Variants in MED12L observed in about 807,000 individuals in gnomAD.
The protein encoded by MED12L is mediator complex subunit 12L.
A neutral mutation model predicts 281.3 loss-of-function variants in MED12L; 60 were observed. The observed-to-expected ratio is 0.21, with a 90% CI of 0.17 to 0.26. The LOEUF is 0.26. Among genes scored for constraint, MED12L ranks in the 10% least tolerant of loss-of-function variants. The pLI is 1.00. For missense variants in MED12L, 2,146 were observed against 2,680.9 expected, an observed-to-expected ratio of 0.80 and a Z score of 4.41; for synonymous variants, 974 against 987.2, an observed-to-expected ratio of 0.99 and a Z score of 0.25.
In MED12L at chr3:151,165,529, G is replaced by A. The variant is rs1720600910; in HGVS notation, c.1357+10G>A. The A allele has an allele frequency of 6.2e-7, 1 of 1,600,306 alleles. No homozygotes were observed. On this transcript the variant is annotated intron_variant, in intron 10 of 44. Transcript: ENST00000687756. ...CAAGAATCCACAGCAGGTACAGAATGCCACAGAGGAACGAGTGCTTTTGAA... is the reference window on the plus strand; with the variant it reads ...CAAGAATCCACAGCAGGTACAGAATACCACAGAGGAACGAGTGCTTTTGAA...
chr3:151,199,313 A>T, intron 16 of MED12L: 1 of 1,613,744 alleles, frequency 6.2e-7, no homozygotes, highest in Non-Finnish European at 8.5e-7. Flanking sequence ...TCCAACAAGG[A>T]AAACTAAATA....
At chr3:151,398,972 A>G (rs1715313163) in intron 39 of MED12L, among the ~76,000 whole-genome samples, 1 of 152,146 alleles carries the variant, frequency 6.6e-6, no homozygotes, top group Non-Finnish European at 1.5e-5. Context: ...TGCTGTACTC[A>G]CCTGTTTTCG....
At position 151,328,033 on chromosome 3, in the gene MED12L, T is replaced by C. The variant is rs762032175; in HGVS notation, c.2251-22026T>C. The C allele has an allele frequency of 1.9e-6, 3 of 1,595,088 alleles. No homozygotes were observed. In the South Asian group the frequency reaches 3.4e-5, roughly 18 times the overall value. On this transcript the variant is annotated intron_variant, in intron 16 of 44. Transcript: ENST00000687756. ...TGTCTGTCTGACTGCTATGATTTTC[T>C]TGGCTTGATGCTGTGGTCTTTCTCC...
intron 43 of MED12L, chr3:151,425,749 A>G (rs1718808383): frequency 2.2e-6 from 1 of 456,590 alleles, no homozygotes; most frequent in Non-Finnish European, 4.4e-6. Flanking sequence ...TCCTAGAGAG[A>G]GAAGCAATTA....
chr3:151,109,357 T>A (rs563063757), intron 2 of MED12L, among the ~76,000 whole-genome samples: 1 of 152,346 alleles, frequency 6.6e-6, no homozygotes, highest in African/African-American at 2.4e-5. Flanking sequence ...GGTCTGATTT[T>A]TGTTATCAGT....
In MED12L at chr3:151,386,301, C is replaced by G. The variant is rs547759570; in HGVS notation, c.5088+1110C>G. On this transcript the variant is annotated intron_variant, in intron 36 of 44. Coordinates refer to ENST00000687756, the MANE Select transcript of MED12L (RefSeq NM_001393769.1). ...CCATTTGGATGTGTGGTTTTTACAC[C>G]AAGGAAAAAGTTCTCATCTCAAGAC... Among the ~76,000 whole-genome samples, 7 of 152,194 alleles carry G rather than the reference C, an allele frequency of 4.6e-5. No homozygotes were observed. In the South Asian group the frequency reaches 1.5e-3, roughly 32 times the overall value.
chr3:151,286,876 T>A (rs922615039), intron 16 of MED12L, among the ~76,000 whole-genome samples: 1 of 152,222 alleles, frequency 6.6e-6, no homozygotes, highest in African/African-American at 2.4e-5. Flanking sequence ...AAGTGTATGA[T>A]TGATTGGCTT....
At chr3:151,192,830 T>A (rs2149105138) in intron 15 of MED12L, among the ~76,000 whole-genome samples, 176 bp downstream of exon 15, 2 of 152,324 alleles carry the variant, frequency 1.3e-5, no homozygotes, top group East Asian at 3.9e-4. Flanking sequence ...TCAGTTTTGG[T>A]TGCATGGCCT....
chr3:151,285,499 A>T (rs1017259939), intron 16 of MED12L, among the ~76,000 whole-genome samples: 5 of 151,924 alleles, frequency 3.3e-5, no homozygotes, highest in Non-Finnish European at 7.4e-5. Flanking sequence ...AAGAAAAAAA[A>T]AAAGAATAAT....
intron 9 of MED12L, among the ~76,000 whole-genome samples, chr3:151,164,937 G>T (rs532954690): frequency 6.6e-6 from 1 of 151,896 alleles, no homozygotes; most frequent in Middle Eastern, 3.4e-3. Flanking sequence ...CACCAACATG[G>T]CGCATGTATA....
intron 43 of MED12L, among the ~76,000 whole-genome samples, chr3:151,424,178 T>C (rs994089908): frequency 3.3e-5 from 5 of 152,232 alleles, no homozygotes; most frequent in Non-Finnish European, 5.9e-5. Context: ...TTCCTTTGCA[T>C]GAATTTGGAA....
At chr3:151,128,033 A>C in intron 5 of MED12L, 49 bp downstream of exon 5, 4 of 1,536,366 alleles carry the variant, frequency 2.6e-6, no homozygotes, top group African/African-American at 1.4e-5. Context: ...TGATTTTGCA[A>C]GTAATTGTTG....
At chr3:151,424,705 C>T (rs1560151197) in intron 43 of MED12L, among the ~76,000 whole-genome samples, 1 of 152,162 alleles carries the variant, frequency 6.6e-6, no homozygotes, top group Non-Finnish European at 1.5e-5. Flanking sequence ...AATTCTGAAA[C>T]ACATCAGCTG....
rs1484301081 is a variant in MED12L at position 151,247,600 on chromosome 3, C to A, written c.2250+53934C>A. ...ACACAGGAAGGGGAATATCACACTC[C>A]GGGGACTGTTGTGGGGTCGGGGAGG... is the stretch of plus-strand genomic sequence containing the variant. On this transcript the variant is annotated intron_variant, in intron 16 of 44. Transcript: ENST00000687756. Among the ~76,000 whole-genome samples the A allele has an allele frequency of 3.4e-5, 3 of 88,316 alleles. No homozygotes were observed. In the Admixed American group the frequency reaches 4.5e-4, roughly 13 times the overall value. 57.9% of individuals were successfully genotyped at this position (88,316 alleles called of 152,430 possible).
chr3:151,113,741 C>T (rs953011259), intron 2 of MED12L, among the ~76,000 whole-genome samples: 1 of 152,172 alleles, frequency 6.6e-6, no homozygotes, highest in South Asian at 2.1e-4. Context: ...GATATGTATC[C>T]ATTGTTCCAT....
intron 26 of MED12L, among the ~76,000 whole-genome samples, chr3:151,372,076 C>G (rs1756255462): frequency 6.6e-6 from 1 of 152,166 alleles, no homozygotes; most frequent in African/African-American, 2.4e-5. Flanking sequence ...GGAAATAAAT[C>G]TCTCTTGTCA....
In MED12L at chr3:151,413,169, T is replaced by A; in HGVS notation, c.6171T>A (p.Pro2057=). 6.2e-7 allele frequency: 1 copy of A among 1,614,120 alleles called. No homozygotes were observed. The highest frequency in any genetic ancestry group is 8.5e-7 in the Non-Finnish European group (1 of 1,179,962). ...ACCATCAGGCTCTACAGCAGAGCCC[T>A]CTGGTGGGCGGGGGAATTGATGCTG... ...RLNHQALQQS[P]LVGGGIDAVL... Residue 2057 remains proline (P), a synonymous_variant, in exon 42 of 45, where the codon CCT becomes CCA. Coordinates refer to ENST00000687756, the MANE Select transcript of MED12L (RefSeq NM_001393769.1).
At chr3:151,427,557 A>T (rs1321201947) in intron 43 of MED12L, among the ~76,000 whole-genome samples, 1 of 152,242 alleles carries the variant, frequency 6.6e-6, no homozygotes, top group Admixed American at 6.5e-5. Flanking sequence ...AACATAAAGA[A>T]GGCAGCTATG....
chr3:151,318,835 A>G (rs1748627814), intron 16 of MED12L, among the ~76,000 whole-genome samples: 1 of 152,224 alleles, frequency 6.6e-6, no homozygotes, highest in Admixed American at 6.5e-5. Context: ...ATAATGAAGC[A>G]TCTTTAACTT....
Sources: allele counts gnomAD v4.1 joint callset (sites outside exome capture counted in the v4.1 genomes callset), GRCh38; gene constraint gnomAD v4.1.1; transcripts MANE v1.5; gene names NCBI Gene and HGNC (gene_info 2026-07-23, HGNC 2026-07-21).